ANAPC5: variants seen among roughly 807,000 people sequenced by gnomAD.
ANAPC5 encodes anaphase-promoting complex subunit 5.
A neutral mutation model predicts 91.3 loss-of-function variants in ANAPC5; 60 were observed. The observed-to-expected ratio is 0.66, with a 90% confidence interval of 0.53 to 0.81. The LOEUF (loss-of-function observed/expected upper bound fraction) is 0.81, where lower values mean the gene tolerates loss of function less well. ANAPC5 is among the 40% of genes least tolerant of loss of function. The pLI is 0.00. For missense variants in ANAPC5, 690 were observed against 931.5 expected (o/e 0.74, Z 3.37); for synonymous variants, 340 against 364.1 (o/e 0.93, Z 0.75).
intron 1 of ANAPC5, among the ~76,000 whole-genome samples, chr12:121,348,509 A>C (rs961205815): frequency 6.6e-6 from 1 of 152,140 alleles, no homozygotes; most frequent in East Asian, 1.9e-4. Context: ...TACTAAAAAC[A>C]CAAAAATTAG....
chr12:121,346,063 C>G, intron 3 of ANAPC5, 32 bp from the exon 4 acceptor site: 1 of 1,548,328 alleles, frequency 6.5e-7, no homozygotes, highest in Non-Finnish European at 8.8e-7. Context: ...AAGGGGAAAG[C>G]ATTAACTGAC....
chr12:121,339,399 A>G (rs1379690330), intron 5 of ANAPC5, among the ~76,000 whole-genome samples: 1 of 152,122 alleles, frequency 6.6e-6, no homozygotes, highest in African/African-American at 2.4e-5. Flanking sequence ...TTTCACTGTC[A>G]TATTTATTGT....
At chr12:121,331,295 A>G in intron 8 of ANAPC5, 52 bp downstream of exon 8, 1 of 1,496,454 alleles carries the variant, frequency 6.7e-7, no homozygotes, top group Non-Finnish European at 9.2e-7. Flanking sequence ...GGGCCTTGTG[A>G]AGGCCAATTC....
intron 7 of ANAPC5, chr12:121,332,030 G>A (rs891534051): frequency 2.6e-5 from 4 of 152,094 alleles, no homozygotes; most frequent in African/African-American, 9.7e-5. Context: ...TAGATATAGA[G>A]TCTCACTATG....
intron 11 of ANAPC5, among the ~76,000 whole-genome samples, chr12:121,322,954 G>C (rs1167966232): frequency 6.6e-6 from 1 of 152,068 alleles, no homozygotes; most frequent in Non-Finnish European, 1.5e-5. Context: ...GAACCCAGGA[G>C]GCAGAGGTTG....
rs1903509392 is a variant in ANAPC5, at chr12:121,342,799, C to T, written c.591-730G>A. 6.6e-6 allele frequency among the ~76,000 whole-genome samples: 1 copy of T among 152,126 alleles called. No homozygotes were observed. ...GTTTGATCCCGGGAGGTGGAGGTTG[C>T]AGCGAGCCAAGATCACGCCACTGCA... On this transcript the variant is annotated intron_variant, in intron 4 of 16. Coordinates refer to ENST00000261819, the MANE Select transcript of ANAPC5 (RefSeq NM_016237.5). This position sits in a 1 kb window ranked among gnomAD's most constrained non-coding sequence, Gnocchi z 4.1.
chr12:121,312,326 G>A (rs1593571840), intron 15 of ANAPC5, among the ~76,000 whole-genome samples: 1 of 152,204 alleles, frequency 6.6e-6, no homozygotes, highest in South Asian at 2.1e-4. Flanking sequence ...CACTCTGTGA[G>A]GCTGAGGCGG....
intron 12 of ANAPC5, among the ~76,000 whole-genome samples, chr12:121,320,150 T>C (rs1034467327): frequency 1.3e-5 from 2 of 152,186 alleles, no homozygotes; most frequent in African/African-American, 4.8e-5. Flanking sequence ...TATTTATCAT[T>C]CTCATTCAGG....
At chr12:121,316,321 T>C (rs1902357457) in intron 15 of ANAPC5, among the ~76,000 whole-genome samples, 1 of 152,148 alleles carries the variant, frequency 6.6e-6, no homozygotes, top group African/African-American at 2.4e-5. Flanking sequence ...GTGGAGAAAT[T>C]GGAACCCTCA....
chr12:121,348,984 G>A (rs1242112684), intron 1 of ANAPC5, among the ~76,000 whole-genome samples: 6 of 152,182 alleles, frequency 3.9e-5, no homozygotes, highest in Non-Finnish European at 8.8e-5. Flanking sequence ...ACCATTTGGG[G>A]CCTGGCGCAG....
intron 9 of ANAPC5, among the ~76,000 whole-genome samples, chr12:121,330,215 G>C (rs188510287): frequency 1.3e-5 from 2 of 152,186 alleles, no homozygotes; most frequent in African/African-American, 2.4e-5. Context: ...TAAGTAGGCA[G>C]AAAGCCAGAT....
chr12:121,352,356 AGTCTCGGGCCCGCGG>A lies in ANAPC5; in HGVS notation c.-31_-17del, dbSNP rs1352143637. 6.3e-7 allele frequency: 1 copy of A among 1,581,218 alleles called. No homozygotes were observed. The highest frequency in any genetic ancestry group is 8.6e-7 in the Non-Finnish European group (1 of 1,160,304). ...CGCTGGCCATGGCGGCCCGAGACTAAGTCTCGGGCCCGCGGCGCGCTGCCGCCAGTTGTCACCACA... is the reference window on the plus strand; with the variant it reads ...CGCTGGCCATGGCGGCCCGAGACTAACGCGCTGCCGCCAGTTGTCACCACA... On this transcript the variant is annotated 5_prime_UTR_variant, in exon 1 of 17. Transcript: ENST00000261819.
chr12:121,340,696 A>G (rs1320475478), intron 5 of ANAPC5, among the ~76,000 whole-genome samples: 2 of 150,374 alleles, frequency 1.3e-5, no homozygotes, highest in Admixed American at 6.7e-5. Context: ...GGGATTACAG[A>G]CGGGCATCAC....
chr12:121,314,958 T>C lies in ANAPC5; in HGVS notation c.1893+3319A>G, dbSNP rs184141433. Among the ~76,000 whole-genome samples the C allele has an allele frequency of 2.0e-4, 30 of 152,166 alleles. No homozygotes were observed. The East Asian group carries it at 3.3e-3, about 17-fold the overall frequency. ...TTTTGTCACATTTATTCAACATGTATTGGAAGTTTTACTCAAAGCATTTAA... is the reference window on the plus strand; with the variant it reads ...TTTTGTCACATTTATTCAACATGTACTGGAAGTTTTACTCAAAGCATTTAA... On this transcript the variant is annotated intron_variant, in intron 15 of 16. Coordinates refer to ENST00000261819, the MANE Select transcript of ANAPC5 (RefSeq NM_016237.5).
intron 15 of ANAPC5, among the ~76,000 whole-genome samples, chr12:121,316,549 C>T (rs1016144035): frequency 6.6e-6 from 1 of 151,802 alleles, no homozygotes; most frequent in Middle Eastern, 3.2e-3. Flanking sequence ...CTGGCTAACA[C>T]AGTGAAACCC....
chr12:121,347,196 T>G, intron 2 of ANAPC5, 191 bp from the exon 3 acceptor site: 4 of 518,370 alleles, frequency 7.7e-6, no homozygotes, highest in Non-Finnish European at 1.4e-5. Context: ...TCATTGTTGT[T>G]TTCTTGATCA....
At chr12:121,312,697 ACT>A (rs1349517147) in intron 15 of ANAPC5, among the ~76,000 whole-genome samples, 5 of 120,516 alleles carry the variant, frequency 4.1e-5, no homozygotes, top group South Asian at 5.3e-4. Flanking sequence ...ACAGAGCGAG[ACT>A]CTGTCACAAA....
intron 5 of ANAPC5, among the ~76,000 whole-genome samples, chr12:121,339,000 T>C (rs550394223): frequency 1.3e-5 from 2 of 151,918 alleles, no homozygotes; most frequent in Admixed American, 1.3e-4. Flanking sequence ...TATTTCCTGT[T>C]CTTTTCATTT....
At position 121,331,387 on chromosome 12, in the gene ANAPC5, G is replaced by A. The variant is rs1232012821; in HGVS notation, c.992C>T (p.Ala331Val). 1.2e-6 allele frequency: 2 copies of A among 1,609,288 alleles called. No individual in the cohort carries two copies. The highest frequency in any genetic ancestry group is 1.7e-6 in the Non-Finnish European group (2 of 1,175,924). ...ELALQEAIRI[A>V]QESNDHVCLQ... ...ACACACGTGATCGTTGGACTCCTGG[G>A]CAATCCTAATTGCCTCCTGCAGGGC... is the stretch of plus-strand genomic sequence containing the variant. The change falls in exon 8 of 17, where the codon GCC becomes GTC. Residue 331 changes from alanine (A) to valine (V), a missense_variant. Ala to Val is a moderately conservative substitution (Grantham distance 64). This residue lies in a region of ANAPC5 where 83 missense variants were observed against 150.8 expected (regional missense o/e 0.55). Coordinates refer to ENST00000261819, the MANE Select transcript of ANAPC5 (RefSeq NM_016237.5).
Sources: gnomAD v4.1 joint callset for allele counts (sites outside exome capture counted in the v4.1 genomes callset) on GRCh38, gnomAD v4.1.1 for gene constraint, gnomAD v4.1.1 regional missense constraint, Gnocchi (gnomAD v3.1) non-coding constraint, MANE v1.5 for transcripts, NCBI Gene and HGNC (gene_info 2026-07-23, HGNC 2026-07-21) for gene names.